MUC5AC: variants seen among roughly 807,000 people sequenced by gnomAD.
MUC5AC encodes the protein mucin 5AC, oligomeric mucus/gel-forming, also known as mucin-5AC.
Under a neutral mutation model 169.7 loss-of-function variants are expected in MUC5AC, and 158 were observed. The ratio of observed to expected loss-of-function variants is 0.93; its 90% confidence interval spans 0.82 to 1.06. MUC5AC has a LOEUF of 1.06. Among genes scored for constraint, MUC5AC ranks in the 50% least tolerant of loss-of-function variants. MUC5AC has a pLI of 0.00. For synonymous variants in MUC5AC, 1,975 were observed against 1,237.0 expected (o/e 1.60, Z -12.52); for missense variants, 4,359 against 3,089.9 (o/e 1.41, Z -9.74).
At chr11:1,162,223 C>A (rs559636134) in intron 4 of MUC5AC, 55 bp downstream of exon 4, 1 of 1,580,452 alleles carries the variant, frequency 6.3e-7, no homozygotes, top group Non-Finnish European at 8.6e-7. Flanking sequence ...GTGGCATTTC[C>A]GGGTGGTTGC....
At chr11:1,195,395 T>A in intron 36 of MUC5AC, 116 bp downstream of exon 36, 1 of 444,808 alleles carries the variant, frequency 2.2e-6, no homozygotes, top group Non-Finnish European at 4.5e-6. Context: ...AAACGAGAGC[T>A]GCTGGTACCA....
At chr11:1,162,402 C>A in intron 4 of MUC5AC, 130 bp from the exon 5 acceptor site, 1 of 1,039,606 alleles carries the variant, frequency 9.6e-7, no homozygotes, top group Non-Finnish European at 1.4e-6. Flanking sequence ...CTCCAGAGGT[C>A]AATGTCCCCA....
rs1860627807 is a variant in MUC5AC, at chr11:1,174,600, C to T, written c.2070C>T (p.Gly690=). 21 of 1,369,824 alleles carry T rather than the reference C, an allele frequency of 1.5e-5. 2 individuals carry two copies. The South Asian group carries it at 1.9e-4, about 12-fold the overall frequency. The allele number at this position is 1,369,824 out of a possible 1,614,324, so 84.9% of individuals were successfully genotyped here. A position where few individuals can be genotyped will look rare whatever the true frequency, so the allele number is the denominator to read the frequency against. Residue 690 remains glycine, a synonymous_variant, in exon 17 of 49, where the codon GGC becomes GGT. Coordinates refer to ENST00000621226, the MANE Select transcript of MUC5AC (RefSeq NM_001304359.2). ...GTGCCGCCAAGGGCGTGCAGCTCGGCGGCTGGAGGGACGGCGTCTGCAGTG... is the reference window on the plus strand; with the variant it reads ...GTGCCGCCAAGGGCGTGCAGCTCGGTGGCTGGAGGGACGGCGTCTGCAGTG... ...HACAAKGVQL[G]GWRDGVCTKP... is the part of the protein sequence containing the mutation.
chr11:1,200,748 TC>T lies in MUC5AC; in HGVS notation c.*48del, dbSNP rs1861408728. 3.0e-6 allele frequency: 2 copies of T among 674,270 alleles called. No homozygotes were observed. The highest frequency in any genetic ancestry group is 5.4e-6 in the Non-Finnish European group (2 of 371,512). The allele number at this position is 674,270 out of a possible 1,614,324, so 41.8% of individuals were successfully genotyped here. On this transcript the variant is annotated 3_prime_UTR_variant, in exon 49 of 49. Coordinates refer to ENST00000621226, the MANE Select transcript of MUC5AC (RefSeq NM_001304359.2). Reference sequence around the variant, plus strand: ...ACCTCCAAGGAGAACCTCCCATATGTCCTCTGAGCTCGGCTTCCAAGGCCAG... The same window carrying T: ...ACCTCCAAGGAGAACCTCCCATATGTCTCTGAGCTCGGCTTCCAAGGCCAG...
chr11:1,169,683 T>C (rs1407677707), intron 15 of MUC5AC, among the ~76,000 whole-genome samples: 215 of 71,788 alleles, frequency 3.0e-3, no homozygotes, highest in Middle Eastern at 0.015. Flanking sequence ...CACTCACCCA[T>C]TCACCCATTC....
Position 1,192,303 on chromosome 11 carries a change from G to A in MUC5AC, c.14158G>A (p.Val4720Met). 2 of 765,124 alleles carry A rather than the reference G, an allele frequency of 2.6e-6. No individual in the cohort carries two copies. Among genetic ancestry groups the A allele is most frequent in the South Asian group, 2.7e-5 (2 of 74,624 alleles). 47.4% of individuals were successfully genotyped at this position (765,124 alleles called of 1,614,324 possible). A position where few individuals can be genotyped will look rare whatever the true frequency, so the allele number is the denominator to read the frequency against. ...CTTCAAGATGTGCCTCAACTACGAGGTGCGCGTGCTCTGCTGCGAGACCCC... is the reference window on the plus strand; with the variant it reads ...CTTCAAGATGTGCCTCAACTACGAGATGCGCGTGCTCTGCTGCGAGACCCC... ...GPFKMCLNYE[V>M]RVLCCETPRG... The change falls in exon 31 of 49, where the codon GTG becomes ATG. Residue 4720 changes from valine to methionine, a missense_variant. By Grantham distance (21) the Val-to-Met change is conservative. Coordinates refer to ENST00000621226, the MANE Select transcript of MUC5AC (RefSeq NM_001304359.2).
At position 1,183,871 on chromosome 11, in the gene MUC5AC, C is replaced by T. The variant is rs1177474064; in HGVS notation, c.5726C>T (p.Thr1909Ile). ...APGTATSVKK[T>I]FSTPSPPPVP... ...GGTACCGCTACCTCTGTCAAAAAAA[C>T]TTTCTCAACTCCCAGCCCTCCGCCA... Residue 1909 changes from threonine to isoleucine, a missense_variant, in exon 31 of 49, where the codon ACT becomes ATT. Thr to Ile is a moderately conservative substitution (Grantham distance 89, BLOSUM62 -1). Transcript: ENST00000621226. 2.5e-6 allele frequency: 1 copy of T among 403,540 alleles called. No homozygotes were observed. The highest frequency in any genetic ancestry group is 2.1e-5 in the African/African-American group (1 of 46,694). 25.0% of individuals were successfully genotyped at this position (403,540 alleles called of 1,614,324 possible). A position where few individuals can be genotyped will look rare whatever the true frequency, so the allele number is the denominator to read the frequency against.
chr11:1,200,982 A>G lies in MUC5AC; in HGVS notation c.*280A>G. 5.9e-6 allele frequency: 2 copies of G among 337,632 alleles called. No individual in the cohort carries two copies. Among genetic ancestry groups the G allele is most frequent in the East Asian group, 4.7e-5 (1 of 21,494 alleles). 20.9% of individuals were successfully genotyped at this position (337,632 alleles called of 1,614,324 possible). ...AGCCTGCTGTTCTGGGGACGTGAGC[A>G]TCACCTGAGGGTCTCAGGAATGACG... is the stretch of plus-strand genomic sequence containing the variant. On this transcript the variant is annotated 3_prime_UTR_variant, in exon 49 of 49. Coordinates refer to ENST00000621226, the MANE Select transcript of MUC5AC (RefSeq NM_001304359.2).
intron 48 of MUC5AC, 51 bp from the exon 49 acceptor site, chr11:1,200,387 C>A: frequency 1.6e-6 from 1 of 639,730 alleles, no homozygotes; most frequent in South Asian, 1.7e-5. Flanking sequence ...CGGCTTACGG[C>A]AGGAGGCTGG....
intron 40 of MUC5AC, 101 bp downstream of exon 40, chr11:1,197,009 G>T (rs1018988073): frequency 7.3e-6 from 5 of 685,954 alleles, no homozygotes; most frequent in Admixed American, 2.1e-5. Context: ...GGGGCTCAGG[G>T]GTCGGGGTGT....
At position 1,200,621 on chromosome 11, in the gene MUC5AC, G is replaced by C. The variant is rs377115886; in HGVS notation, c.16884G>C (p.Ser5628=). The C allele has an allele frequency of 1.3e-6, 1 of 764,122 alleles. No homozygotes were observed. The highest frequency in any genetic ancestry group is 1.7e-5 in the African/African-American group (1 of 59,128). 47.3% of individuals were successfully genotyped at this position (764,122 alleles called of 1,614,324 possible). The change falls in exon 49 of 49, where the codon TCG becomes TCC. Residue 5628 remains serine, a synonymous_variant. Transcript: ENST00000621226. ...RCPAPGDTQH[S]EEAEPEPSQE... ...CTGCGCCGGGCGACACCCAGCACTC[G>C]GAGGAGGCGGAACCCGAGCCCAGCC...
rs1315650208 is a variant in MUC5AC at position 1,188,986 on chromosome 11, G to A, written c.10841G>A (p.Arg3614His). The A allele has an allele frequency of 1.6e-4, 107 of 686,632 alleles. 1 individual carries two copies. The highest frequency in any genetic ancestry group is 6.7e-4 in the Admixed American group (32 of 47,692). The allele number at this position is 686,632 out of a possible 1,614,324, so 42.5% of individuals were successfully genotyped here. The stretch of plus-strand genomic sequence containing the variant: ...AAGATGTGCCTCAACTACGAGGTGC[G>A]TGTGCTTTGCTGCGAGACCCCCAAA... ...PFKMCLNYEVRVLCCETPKGC... is the reference protein window; with the variant it reads ...PFKMCLNYEVHVLCCETPKGC... The change falls in exon 31 of 49, where the codon CGT becomes CAT. Residue 3614 changes from arginine to histidine, a missense_variant. Physicochemically the swap from Arg to His is conservative, Grantham distance 29. Transcript: ENST00000621226.
At position 1,184,847 on chromosome 11, in the gene MUC5AC, T is replaced by C. The variant is rs2133755582; in HGVS notation, c.6702T>C (p.Ser2234=). 1 of 638,558 alleles carries C rather than the reference T, an allele frequency of 1.6e-6. No homozygotes were observed. 39.6% of individuals were successfully genotyped at this position (638,558 alleles called of 1,614,324 possible). A position where few individuals can be genotyped will look rare whatever the true frequency, so the allele number is the denominator to read the frequency against. The stretch of plus-strand genomic sequence containing the variant: ...CTGTGACAGCTCCTAGCACCCCTAG[T>C]GGGAGAGCCACCAGCCCAACTCAGA... ...STPVTAPSTP[S]GRATSPTQST... is the part of the protein sequence containing the mutation. The change falls in exon 31 of 49, where the codon AGT becomes AGC. Residue 2234 remains serine, a synonymous_variant. Coordinates refer to ENST00000621226, the MANE Select transcript of MUC5AC (RefSeq NM_001304359.2).
At position 1,193,559 on chromosome 11, in the gene MUC5AC, G is replaced by A. The variant is rs775403549; in HGVS notation, c.14655G>A (p.Pro4885=). Reference sequence around the variant, plus strand: ...GCAACAACGTCATCTCCCTGCGCCCGCGCACGTGCCCGAGGGTGGAGAAGC... The same window carrying A: ...GCAACAACGTCATCTCCCTGCGCCCACGCACGTGCCCGAGGGTGGAGAAGC... ...CEGNNVISLR[P]RTCPRVEKPT... Residue 4885 remains proline (P), a synonymous_variant, in exon 33 of 49, where the codon CCG becomes CCA. Coordinates refer to ENST00000621226, the MANE Select transcript of MUC5AC (RefSeq NM_001304359.2). 11 of 764,476 alleles carry A rather than the reference G, an allele frequency of 1.4e-5. No individual in the cohort carries two copies. Among genetic ancestry groups the A allele is most frequent in the Middle Eastern group, 2.3e-4 (1 of 4,438 alleles). 47.4% of individuals were successfully genotyped at this position (764,476 alleles called of 1,614,324 possible). A position where few individuals can be genotyped will look rare whatever the true frequency, so the allele number is the denominator to read the frequency against.
In MUC5AC at chr11:1,189,868, C is replaced by A; in HGVS notation, c.11723C>A (p.Thr3908Lys). The A allele has an allele frequency of 1.3e-6, 1 of 764,456 alleles. No individual in the cohort carries two copies. Among genetic ancestry groups the A allele is most frequent in the Admixed American group, 1.7e-5 (1 of 58,966 alleles). The allele number at this position is 764,456 out of a possible 1,614,324, so 47.4% of individuals were successfully genotyped here. ...TPQTSKTSAA[T>K]SSTTSGSGTT... ...CAGACCAGCAAAACCTCAGCTGCTA[C>A]AAGCAGCACAACCTCCGGTTCTGGA... The change falls in exon 31 of 49, where the codon ACA becomes AAA. Residue 3908 changes from threonine to lysine, a missense_variant. Thr to Lys is a moderately conservative substitution (Grantham distance 78). Coordinates refer to ENST00000621226, the MANE Select transcript of MUC5AC (RefSeq NM_001304359.2).
chr11:1,175,292 C>T, intron 19 of MUC5AC, 22 bp downstream of exon 19: 1 of 398,648 alleles, frequency 2.5e-6, no homozygotes, highest in African/African-American at 2.1e-5. Flanking sequence ...AAAGGAGGCA[C>T]TGTGGCCCCC....
rs960434531 is a variant in MUC5AC, at chr11:1,178,502, C to T, written c.3146C>T (p.Thr1049Met). Residue 1049 changes from threonine to methionine, a missense_variant, in exon 25 of 49, where the codon ACG becomes ATG. Coordinates refer to ENST00000621226, the MANE Select transcript of MUC5AC (RefSeq NM_001304359.2). ...GACATCGCCGTTAATGACTTTGCCA[C>T]GCGGAGCCGGTCTGTGGTGGGGGAC... ...FDDIAVNDFA[T>M]RSRSVVGDVL... 3.6e-5 allele frequency: 42 copies of T among 1,162,668 alleles called. No individual in the cohort carries two copies. The highest frequency in any genetic ancestry group is 2.1e-4 in the Middle Eastern group (1 of 4,784). The allele number at this position is 1,162,668 out of a possible 1,614,324, so 72.0% of individuals were successfully genotyped here.
intron 11 of MUC5AC, among the ~76,000 whole-genome samples, chr11:1,166,200 A>G (rs1427870224): frequency 6.8e-6 from 1 of 147,596 alleles, no homozygotes; most frequent in Non-Finnish European, 1.5e-5. Flanking sequence ...TGCACCCAAC[A>G]CACAGTCTAC....
Position 1,191,451 on chromosome 11 carries a change from G to C in MUC5AC, c.13306G>C (p.Gly4436Arg). The change falls in exon 31 of 49, where the codon GGT becomes CGT. Residue 4436 changes from glycine (G) to arginine (R), a missense_variant. By Grantham distance (125) the Gly-to-Arg change is moderately radical. Coordinates refer to ENST00000621226, the MANE Select transcript of MUC5AC (RefSeq NM_001304359.2). The part of the protein sequence containing the change: ...TPASTASTTS[G>R]PGTTPSPVPT... ...TGCCTCTACAGCCAGCACAACCTCT[G>C]GTCCTGGAACTACTCCCAGCCCTGT... 1.3e-6 allele frequency: 1 copy of C among 747,946 alleles called. No individual in the cohort carries two copies. The highest frequency in any genetic ancestry group is 2.4e-6 in the Non-Finnish European group (1 of 409,064). 46.3% of individuals were successfully genotyped at this position (747,946 alleles called of 1,614,324 possible). A position where few individuals can be genotyped will look rare whatever the true frequency, so the allele number is the denominator to read the frequency against.
Sources: allele counts gnomAD v4.1 joint callset (sites outside exome capture counted in the v4.1 genomes callset), GRCh38; gene constraint gnomAD v4.1.1; transcripts MANE v1.5; gene names NCBI Gene and HGNC (gene_info 2026-07-23, HGNC 2026-07-21).